Variants in TMPRSS15 observed in about 807,000 individuals in gnomAD.
The protein encoded by TMPRSS15 is enteropeptidase.
TMPRSS15 carries 128 observed loss-of-function variants against 125.3 expected under a neutral mutation model. The ratio of observed to expected loss-of-function variants is 1.02; its 90% CI spans 0.89 to 1.18. TMPRSS15 has a LOEUF of 1.18. Ranked by LOEUF, TMPRSS15 falls within the 50% of genes most tolerant of loss-of-function variation. The pLI is 0.00. For synonymous variants in TMPRSS15, 446 were observed against 423.2 expected, an observed-to-expected ratio of 1.05 and a Z score of -0.66; for missense variants, 1,283 against 1,212.7, an observed-to-expected ratio of 1.06 and a Z score of -0.86.
chr21:18,328,420 A>G (rs1404500458), intron 15 of TMPRSS15, among the ~76,000 whole-genome samples: 1 of 152,210 alleles, frequency 6.6e-6, no homozygotes, highest in East Asian at 1.9e-4. Context: ...AGTAAAATAA[A>G]AACTGATTTA....
At chr21:18,332,290 A>G in intron 13 of TMPRSS15, 117 bp from the exon 14 acceptor site, 1 of 898,396 alleles carries the variant, frequency 1.1e-6, no homozygotes, top group Non-Finnish European at 1.8e-6. Flanking sequence ...TGGCAAGTAA[A>G]TTTTAGAGTC....
At position 18,302,775 on chromosome 21, in the gene TMPRSS15, C is replaced by T. The variant is rs561975218; in HGVS notation, c.2166-4946G>A. Among the ~76,000 whole-genome samples the T allele has an allele frequency of 1.1e-4, 17 of 152,270 alleles. No homozygotes were observed. The South Asian group carries it at 2.3e-3, about 20-fold the overall frequency. ...TGGTACCTCCTTCCTACCAAAAATA[C>T]GTCTGAGAGAAGTGATACTTCTAGG... On this transcript the variant is annotated intron_variant, in intron 18 of 24. Coordinates refer to ENST00000284885, the MANE Select transcript of TMPRSS15 (RefSeq NM_002772.3).
chr21:18,357,110 A>G (rs914236730), intron 8 of TMPRSS15, among the ~76,000 whole-genome samples: 3 of 151,864 alleles, frequency 2.0e-5, no homozygotes, highest in African/African-American at 7.2e-5. Context: ...GCATAAAAAC[A>G]TTTATAGATT....
rs1226615293 is a variant in TMPRSS15 at position 18,269,909 on chromosome 21, A to G, written c.*60T>C. On this transcript the variant is annotated 3_prime_UTR_variant, in exon 25 of 25. Coordinates refer to ENST00000284885, the MANE Select transcript of TMPRSS15 (RefSeq NM_002772.3). ...TTTTTGTACGAAACACTTAATTTCC[A>G]TGCTTTCTAGAGTAGAATGGGAAAA... 5.6e-6 allele frequency: 9 copies of G among 1,595,912 alleles called. No homozygotes were observed. Among genetic ancestry groups the G allele is most frequent in the Non-Finnish European group, 6.9e-6 (8 of 1,167,626 alleles).
At chr21:18,313,169 A>G (rs1177214051) in intron 17 of TMPRSS15, 92 bp from the exon 18 acceptor site, 2 of 841,358 alleles carry the variant, frequency 2.4e-6, no homozygotes, top group Non-Finnish European at 4.1e-6. Context: ...AGCTTCATTT[A>G]GACAGGAGGA....
intron 1 of TMPRSS15, among the ~76,000 whole-genome samples, chr21:18,458,774 A>T (rs1027594023): frequency 3.3e-5 from 5 of 152,144 alleles, no homozygotes; most frequent in Non-Finnish European, 7.3e-5. Flanking sequence ...CTTTTCCCAA[A>T]ATAAAATTCC....
At chr21:18,476,857 T>C (rs761510307) in intron 1 of TMPRSS15, among the ~76,000 whole-genome samples, 1 of 151,960 alleles carries the variant, frequency 6.6e-6, no homozygotes, top group Admixed American at 6.6e-5. Context: ...GAAGTCAGTC[T>C]CAGGGCTGGT....
At chr21:18,356,076 A>C (rs1469846271) in intron 8 of TMPRSS15, among the ~76,000 whole-genome samples, 1 of 151,916 alleles carries the variant, frequency 6.6e-6, no homozygotes, top group Non-Finnish European at 1.5e-5. Context: ...TCTTCTACTA[A>C]AAATCCAAAA....
intron 10 of TMPRSS15, among the ~76,000 whole-genome samples, chr21:18,347,385 C>T (rs946664489): frequency 2.6e-5 from 4 of 151,958 alleles, no homozygotes; most frequent in Admixed American, 1.3e-4. Flanking sequence ...TACAGGCTCA[C>T]GCCACCATGG....
intron 5 of TMPRSS15, among the ~76,000 whole-genome samples, chr21:18,378,163 A>G (rs897383170): frequency 6.6e-6 from 1 of 152,124 alleles, no homozygotes; most frequent in Non-Finnish European, 1.5e-5. Flanking sequence ...TTCAAAATAT[A>G]TTTAGCTTAC....
rs2123124847 is a variant in TMPRSS15 at position 18,398,217 on chromosome 21, A to G, written c.258T>C (p.Ala86=). Residue 86 remains alanine (A), a synonymous_variant, in exon 2 of 25, where the codon GCT becomes GCC. Coordinates refer to ENST00000284885, the MANE Select transcript of TMPRSS15 (RefSeq NM_002772.3). ...CTCCTACCATTTGCTGAAGGTCAAA[A>G]GCAAGAACTTTGAAATCCACTGAGA... ...DKLSVDFKVL[A]FDLQQMIDEI... is the part of the protein sequence containing the mutation. 1.2e-6 allele frequency: 2 copies of G among 1,613,936 alleles called. No individual in the cohort carries two copies. Among genetic ancestry groups the G allele is most frequent in the Admixed American group, 1.7e-5 (1 of 60,028 alleles).
In TMPRSS15 at chr21:18,269,201, T is replaced by A. The variant is rs773866309; in HGVS notation, c.*768A>T. On this transcript the variant is annotated 3_prime_UTR_variant, in exon 25 of 25. Coordinates refer to ENST00000284885, the MANE Select transcript of TMPRSS15 (RefSeq NM_002772.3). ...AATAAGTTTTCATATATTAGAAATATCCACTGTAACACACATAAACCAAGA... is the reference window on the plus strand; with the variant it reads ...AATAAGTTTTCATATATTAGAAATAACCACTGTAACACACATAAACCAAGA... 3 of 152,184 alleles carry A rather than the reference T, an allele frequency of 2.0e-5. No individual in the cohort carries two copies. The highest frequency in any genetic ancestry group is 7.2e-5 in the African/African-American group (3 of 41,444). 9.4% of individuals were successfully genotyped at this position (152,184 alleles called of 1,614,324 possible).
rs1017401316 is a variant in TMPRSS15 at position 18,464,741 on chromosome 21, C to A, written c.10+21058G>T. ...GTCAAATCCCTGAATAGACCAATAA[C>A]AATTTCTGAAATTGAGGCAGTAATT... On this transcript the variant is annotated intron_variant, in intron 1 of 7. Transcript: ENST00000422787. Among the ~76,000 whole-genome samples the A allele has an allele frequency of 3.3e-5, 5 of 152,238 alleles. No homozygotes were observed. In the East Asian group the frequency reaches 9.6e-4, roughly 29 times the overall value.
At chr21:18,334,224 T>C (rs2146972325) in intron 13 of TMPRSS15, among the ~76,000 whole-genome samples, 1 of 152,336 alleles carries the variant, frequency 6.6e-6, no homozygotes, top group South Asian at 2.1e-4. Flanking sequence ...ATGATGCATA[T>C]GATGGGACAG....
intron 1 of TMPRSS15, among the ~76,000 whole-genome samples, chr21:18,422,140 T>C (rs1601457416): frequency 6.6e-6 from 1 of 152,090 alleles, no homozygotes; most frequent in Middle Eastern, 3.4e-3. Context: ...TGCACCATCA[T>C]GCTTAAGATA....
chr21:18,344,312 C>T (rs2075482876), intron 10 of TMPRSS15, among the ~76,000 whole-genome samples: 1 of 152,034 alleles, frequency 6.6e-6, no homozygotes, highest in African/African-American at 2.4e-5. Flanking sequence ...GGAGTACCAC[C>T]AAGGATATAT....
intron 1 of TMPRSS15, chr21:18,477,727 G>C (rs994025834): frequency 6.6e-6 from 1 of 151,996 alleles, no homozygotes; most frequent in African/African-American, 2.4e-5. Flanking sequence ...AAAATATAAA[G>C]TTTACTTTCA....
intron 13 of TMPRSS15, among the ~76,000 whole-genome samples, chr21:18,335,132 C>T (rs936078351): frequency 6.6e-6 from 1 of 152,156 alleles, no homozygotes; most frequent in African/African-American, 2.4e-5. Context: ...TTCTACATTG[C>T]TATGAAATAC....
At chr21:18,359,619 A>C in intron 8 of TMPRSS15, 138 bp downstream of exon 8, 1 of 516,936 alleles carries the variant, frequency 1.9e-6, no homozygotes, top group Non-Finnish European at 3.5e-6. Context: ...TTTTATAATG[A>C]GAAGCAATTG....
Sources: allele counts gnomAD v4.1 joint callset (sites outside exome capture counted in the v4.1 genomes callset), GRCh38; gene constraint gnomAD v4.1.1; transcripts MANE v1.5; gene names NCBI Gene and HGNC (gene_info 2026-07-23, HGNC 2026-07-21).